Variants in TAS2R1 observed in about 807,000 individuals in gnomAD.
TAS2R1 encodes taste receptor type 2 member 1.
For missense variants in TAS2R1, 370 were observed against 353.4 expected, an observed-to-expected ratio of 1.05 and a Z score of -0.38; for synonymous variants, 141 against 134.2, an observed-to-expected ratio of 1.05 and a Z score of -0.35.
At chr5:9,839,942 A>T in the TAS2R1 span, among the ~76,000 whole-genome samples, 1 of 152,172 alleles carries the variant, frequency 6.6e-6, no homozygotes, top group Non-Finnish European at 1.5e-5. Context: ...TGCAGGCCAA[A>T]CCCAATTTGG....
chr5:9,721,488 T>C, the TAS2R1 span, among the ~76,000 whole-genome samples: 2 of 152,222 alleles, frequency 1.3e-5, no homozygotes, highest in African/African-American at 2.4e-5. Context: ...GTCCCTGGTG[T>C]CCTGACTAAC....
the TAS2R1 span, among the ~76,000 whole-genome samples, chr5:9,825,921 A>G: frequency 6.6e-6 from 1 of 152,162 alleles, no homozygotes; most frequent in Non-Finnish European, 1.5e-5. Context: ...GAAATAAGTC[A>G]CTGCTCCAAG....
chr5:9,753,630 T>G, the TAS2R1 span, among the ~76,000 whole-genome samples: 3 of 152,216 alleles, frequency 2.0e-5, no homozygotes, highest in African/African-American at 7.2e-5. Context: ...CCCATGCCTA[T>G]GTCCTGAATG....
chr5:9,689,641 TTTTG>T (rs1490183973), intron 1 of TAS2R1, among the ~76,000 whole-genome samples: 2 of 152,210 alleles, frequency 1.3e-5, no homozygotes, highest in Admixed American at 1.3e-4. Context: ...CTTGAGAGTC[TTTTG>T]TTTGTTACTC....
intron 1 of TAS2R1, among the ~76,000 whole-genome samples, chr5:9,705,520 A>AGGGG (rs1335988667): frequency 2.6e-5 from 4 of 152,140 alleles, no homozygotes; most frequent in Admixed American, 1.3e-4. Flanking sequence ...TAGAGTCGCC[A>AGGGG]ACTTTGCTGG....
chr5:9,893,097 C>T, the TAS2R1 span, among the ~76,000 whole-genome samples: 2 of 152,122 alleles, frequency 1.3e-5, no homozygotes, highest in Non-Finnish European at 2.9e-5. Flanking sequence ...TTTAAGGTTC[C>T]CCCAATAATT....
chr5:9,765,635 G>C, the TAS2R1 span: 1 of 152,130 alleles, frequency 6.6e-6, no homozygotes, highest in Non-Finnish European at 1.5e-5. Context: ...AGTGCAGTTT[G>C]GGACTCTCCC....
intron 2 of TAS2R1, among the ~76,000 whole-genome samples, chr5:9,635,389 A>G: frequency 6.6e-6 from 1 of 151,954 alleles, no homozygotes; most frequent in Non-Finnish European, 1.5e-5. Flanking sequence ...TTCATCAGGG[A>G]TATTGGTCTG....
intron 1 of TAS2R1, among the ~76,000 whole-genome samples, chr5:9,708,260 G>A (rs1030908081): frequency 4.6e-5 from 7 of 152,084 alleles, no homozygotes; most frequent in African/African-American, 1.4e-4. Context: ...GGCCCTGTTC[G>A]GCCACAGACT....
chr5:9,681,686 C>T (rs12109904), intron 1 of TAS2R1, among the ~76,000 whole-genome samples: 18,268 of 152,064 alleles, frequency 0.12, 1,241 homozygotes, highest in Non-Finnish European at 0.15. Flanking sequence ...TCTTCTGTCA[C>T]CCTACTATAA....
At position 9,653,778 on chromosome 5, in the gene TAS2R1, A is replaced by G. The variant is rs116032517; in HGVS notation, c.-81+5643T>C. ...CTTACTGTCATAGATTTTAATGAAT[A>G]TATCTGAAAATTCGTTTCAAACTAA... On this transcript the variant is annotated intron_variant, in intron 2 of 2. Transcript: ENST00000506620. Among the ~76,000 whole-genome samples, 1,045 of 152,024 alleles carry G rather than the reference A, an allele frequency of 6.9e-3. 18 individuals are homozygous for G. The highest frequency in any genetic ancestry group is 0.024 in the African/African-American group (1,008 of 41,272).
At chr5:9,850,740 G>A in the TAS2R1 span, among the ~76,000 whole-genome samples, 1 of 152,160 alleles carries the variant, frequency 6.6e-6, no homozygotes, top group Non-Finnish European at 1.5e-5. Flanking sequence ...AAGTATGCCG[G>A]GGAGCAAGTG....
At chr5:9,796,735 A>AAG in the TAS2R1 span, among the ~76,000 whole-genome samples, 4 of 146,884 alleles carry the variant, frequency 2.7e-5, no homozygotes, top group Non-Finnish European at 4.4e-5. Flanking sequence ...AAAAAAAAAA[A>AAG]AAAAGAAAAG....
chr5:9,856,999 G>C, the TAS2R1 span, among the ~76,000 whole-genome samples: 1 of 152,180 alleles, frequency 6.6e-6, no homozygotes, highest in Non-Finnish European at 1.5e-5. Context: ...GATAGAACTG[G>C]TGGCCATTAT....
chr5:9,831,357 AT>A, the TAS2R1 span, among the ~76,000 whole-genome samples: 5 of 152,072 alleles, frequency 3.3e-5, no homozygotes, highest in South Asian at 4.1e-4. Flanking sequence ...AGCAAAAAAA[AT>A]ATATAGTTAT....
intron 1 of TAS2R1, among the ~76,000 whole-genome samples, chr5:9,687,349 T>C (rs1363149792): frequency 2.0e-5 from 3 of 152,214 alleles, no homozygotes; most frequent in East Asian, 3.8e-4. Context: ...AAATGCTACA[T>C]TTAAAAAATA....
the TAS2R1 span, among the ~76,000 whole-genome samples, chr5:9,860,884 G>C: frequency 6.6e-6 from 1 of 152,086 alleles, no homozygotes; most frequent in Non-Finnish European, 1.5e-5. Flanking sequence ...GGGGCCATTT[G>C]TGCTTCCTGC....
the TAS2R1 span, among the ~76,000 whole-genome samples, chr5:9,894,216 A>G: frequency 1.3e-5 from 2 of 152,088 alleles, no homozygotes; most frequent in Admixed American, 1.3e-4. Context: ...CAGCCTGGCC[A>G]ACATGACGAA....
chr5:9,894,750 A>T, the TAS2R1 span, among the ~76,000 whole-genome samples: 1 of 152,240 alleles, frequency 6.6e-6, no homozygotes, highest in Non-Finnish European at 1.5e-5. Context: ...TCCTAAAATG[A>T]GGTCATCAGC....
Sources: gnomAD v4.1 joint callset for allele counts (sites outside exome capture counted in the v4.1 genomes callset) on GRCh38, gnomAD v4.1.1 for gene constraint, MANE v1.5 for transcripts, NCBI Gene and HGNC (gene_info 2026-07-23, HGNC 2026-07-21) for gene names.